Variants in TREH observed in about 807,000 individuals in gnomAD.
The protein encoded by TREH is trehalase.
TREH carries 69 observed loss-of-function variants against 80.5 expected under a neutral mutation model. The ratio of observed to expected loss-of-function variants is 0.86; its 90% confidence interval spans 0.71 to 1.05. TREH has a LOEUF of 1.05. Among genes scored for constraint, TREH ranks in the 50% least tolerant of loss-of-function variants. TREH has a pLI of 0.00. For missense variants in TREH, 716 were observed against 718.8 expected (o/e 1.00, Z 0.04); for synonymous variants, 309 against 293.5 (o/e 1.05, Z -0.54).
Position 118,661,165 on chromosome 11 carries a change from T to G in TREH, c.852A>C (p.Gly284=). The G allele has an allele frequency of 6.2e-7, 1 of 1,613,494 alleles. No individual in the cohort carries two copies. Among genetic ancestry groups the G allele is most frequent in the Non-Finnish European group, 8.5e-7 (1 of 1,179,808 alleles). Residue 284 remains glycine, a synonymous_variant, in exon 8 of 15, where the codon GGA becomes GGC. Coordinates refer to ENST00000264029, the MANE Select transcript of TREH (RefSeq NM_007180.3). This position sits in a 1 kb window ranked among gnomAD's most constrained non-coding sequence, Gnocchi z 4.2. ...LLNRYYVPYG[G]PRPESYSKDV... is the part of the protein sequence containing the mutation. Reference sequence around the variant, plus strand: ...TGGGCTGCCCAGTTCCTCACCTGGGTCCCCCATAAGGGACATAATAGCGAT... The same window carrying G: ...TGGGCTGCCCAGTTCCTCACCTGGGGCCCCCATAAGGGACATAATAGCGAT...
rs1406873032 is a variant in TREH, at chr11:118,661,877, C to T, written c.524+13G>A. ...CCTGCAGGCCCCTTGGTCTCTTGGG[C>T]CTGGGCGCTCACCAGTAGTAGAACT... On this transcript the variant is annotated intron_variant, in intron 5 of 14. Coordinates refer to ENST00000264029, the MANE Select transcript of TREH (RefSeq NM_007180.3). This position sits in a 1 kb window ranked among gnomAD's most constrained non-coding sequence, Gnocchi z 4.2. 4 of 1,560,824 alleles carry T rather than the reference C, an allele frequency of 2.6e-6. No individual in the cohort carries two copies. Among genetic ancestry groups the T allele is most frequent in the Non-Finnish European group, 3.5e-6 (4 of 1,152,470 alleles).
chr11:118,663,757 A>G (rs968178999), intron 1 of TREH, among the ~76,000 whole-genome samples: 13 of 152,194 alleles, frequency 8.5e-5, no homozygotes, highest in Non-Finnish European at 1.3e-4. Flanking sequence ...GGTGTGGCCA[A>G]TTCTCTGTAC....
At position 118,663,043 on chromosome 11, in the gene TREH, G is replaced by T; in HGVS notation, c.335+9C>A. 1 of 1,613,058 alleles carries T rather than the reference G, an allele frequency of 6.2e-7. No homozygotes were observed. Among genetic ancestry groups the T allele is most frequent in the South Asian group, 1.1e-5 (1 of 90,994 alleles). On this transcript the variant is annotated intron_variant, in intron 3 of 14. Coordinates refer to ENST00000264029, the MANE Select transcript of TREH (RefSeq NM_007180.3). ...GGAACCCTCTCTTGTTCCCCTTCCA[G>T]AGTCATACCTGTCTTTCCAGTCTGC...
In TREH at chr11:118,661,590, C is replaced by T; in HGVS notation, c.617+47G>A. 6.2e-7 allele frequency: 1 copy of T among 1,613,536 alleles called. No homozygotes were observed. Among genetic ancestry groups the T allele is most frequent in the Non-Finnish European group, 8.5e-7 (1 of 1,179,614 alleles). On this transcript the variant is annotated intron_variant, in intron 6 of 14. Coordinates refer to ENST00000264029, the MANE Select transcript of TREH (RefSeq NM_007180.3). The surrounding 1 kb of genome is among the most constrained non-coding windows in gnomAD (Gnocchi z 4.2). ...AATCCAGCTGCATGCCCGTGGCACA[C>T]CTGCCTCTCCTCCCCACCTAGGCTG...
At chr11:118,660,460 G>T in intron 10 of TREH, 79 bp downstream of exon 10, 1 of 1,425,582 alleles carries the variant, frequency 7.0e-7, no homozygotes, top group Non-Finnish European at 9.5e-7. Context: ...GTCACACAAG[G>T]GTCCTACTTC....
At chr11:118,670,370 C>G (rs976021307) in intron 1 of TREH, among the ~76,000 whole-genome samples, 1 of 152,198 alleles carries the variant, frequency 6.6e-6, no homozygotes, top group Non-Finnish European at 1.5e-5. Flanking sequence ...TACAACAGTC[C>G]AGTCCCTAGC....
intron 1 of TREH, among the ~76,000 whole-genome samples, chr11:118,675,365 G>T (rs1555146711): frequency 6.6e-6 from 1 of 152,202 alleles, no homozygotes; most frequent in African/African-American, 2.4e-5. Flanking sequence ...GGTCCTGAGT[G>T]AGACGGCCTC....
In TREH at chr11:118,661,924, C is replaced by A; in HGVS notation, c.490G>T (p.Val164Leu). 1 of 1,555,876 alleles carries A rather than the reference C, an allele frequency of 6.4e-7. No individual in the cohort carries two copies. Among genetic ancestry groups the A allele is most frequent in the Non-Finnish European group, 8.7e-7 (1 of 1,149,496 alleles). ...AACTCAACAAAGCGACCGCCAGGCA[C>A]AATGAAGGGATGTTCTGAGTAGATG... ...SLIYSEHPFI[V>L]PGGRFVEFYY... Residue 164 changes from valine to leucine, a missense_variant, in exon 5 of 15, where the codon GTG becomes TTG. Transcript: ENST00000264029. This position sits in a 1 kb window ranked among gnomAD's most constrained non-coding sequence, Gnocchi z 4.2.
intron 10 of TREH, 50 bp downstream of exon 10, chr11:118,660,489 T>C: frequency 6.6e-7 from 1 of 1,517,868 alleles, no homozygotes; most frequent in Non-Finnish European, 8.9e-7. Flanking sequence ...TTGCCAAGCC[T>C]GAGCAGGAAA....
At chr11:118,664,294 T>A (rs1949356655) in intron 1 of TREH, among the ~76,000 whole-genome samples, 1 of 152,204 alleles carries the variant, frequency 6.6e-6, no homozygotes, top group African/African-American at 2.4e-5. Context: ...TGGAAAATCT[T>A]TGAAGAAGGT....
chr11:118,658,241 G>T lies in TREH; in HGVS notation c.*48C>A. On this transcript the variant is annotated 3_prime_UTR_variant, in exon 15 of 15. Transcript: ENST00000264029. The stretch of plus-strand genomic sequence containing the variant: ...GCAGGGGAAGGCAGGAACTGGTGCA[G>T]AGGTTTAATGGGGCAGGAGCTGGGG... The T allele has an allele frequency of 6.5e-7, 1 of 1,550,048 alleles. No individual in the cohort carries two copies. The highest frequency in any genetic ancestry group is 2.4e-5 in the East Asian group (1 of 41,860).
rs1338168609 is a variant in TREH, at chr11:118,660,524, T to A, written c.1102+15A>T. On this transcript the variant is annotated intron_variant, in intron 10 of 14. Transcript: ENST00000264029. ...ACCAAGCTCCCTGCTTTCCCTTCCCTACTGGGGTGCTCACCCAGCCTGGAA... is the reference window on the plus strand; with the variant it reads ...ACCAAGCTCCCTGCTTTCCCTTCCCAACTGGGGTGCTCACCCAGCCTGGAA... 1.0e-5 allele frequency: 16 copies of A among 1,585,176 alleles called. No homozygotes were observed. Among genetic ancestry groups the A allele is most frequent in the Non-Finnish European group, 1.4e-5 (16 of 1,162,284 alleles).
chr11:118,667,478 G>T (rs607527), intron 1 of TREH, among the ~76,000 whole-genome samples: 53,086 of 152,142 alleles, frequency 0.35, 9,575 homozygotes, highest in Admixed American at 0.48. Context: ...TGAGATTACT[G>T]TGATGTGGGC....
chr11:118,659,460 G>A lies in TREH; in HGVS notation c.1342C>T (p.Gln448Ter). ...TGGAGAGAGGTCGGGATCCCATACT[G>A]GTAAGTCAGGATCCGGTTGTCCTAG... is the stretch of plus-strand genomic sequence containing the variant. ...YLEDNRILTY[Q>*]YGIPTSLQKT... The change falls in exon 12 of 15, where the codon CAG becomes TAG. Residue 448 changes from glutamine to a stop codon, truncating the protein, a stop_gained. Coordinates refer to ENST00000264029, the MANE Select transcript of TREH (RefSeq NM_007180.3). LOFTEE classifies it high-confidence loss of function. 2 of 1,603,030 alleles carry A rather than the reference G, an allele frequency of 1.2e-6. No individual in the cohort carries two copies. The highest frequency in any genetic ancestry group is 8.5e-7 in the Non-Finnish European group (1 of 1,174,326).
intron 10 of TREH, among the ~76,000 whole-genome samples, chr11:118,660,176 CCCAGGGTCT>C (rs1294239191): frequency 2.0e-5 from 3 of 152,184 alleles, no homozygotes; most frequent in Non-Finnish European, 4.4e-5. Flanking sequence ...CTGATCTGTC[CCCAGGGTCT>C]CCAGGGTCTA....
In TREH at chr11:118,659,629, C is replaced by T; in HGVS notation, c.1320+118G>A. On this transcript the variant is annotated intron_variant, in intron 11 of 14. Coordinates refer to ENST00000264029, the MANE Select transcript of TREH (RefSeq NM_007180.3). ...TGCCCCCCGGTGGCTCTGGTGGGAC[C>T]CGCAGGCTGGGACAAGGGGCATAGC... is the stretch of plus-strand genomic sequence containing the variant. 3 of 1,397,564 alleles carry T rather than the reference C, an allele frequency of 2.1e-6. 1 individual carries two copies. Among genetic ancestry groups the T allele is most frequent in the Non-Finnish European group, 2.9e-6 (3 of 1,031,374 alleles). The allele number at this position is 1,397,564 out of a possible 1,614,324, so 86.6% of individuals were successfully genotyped here.
At position 118,662,916 on chromosome 11, in the gene TREH, G is replaced by T. The variant is rs561710627; in HGVS notation, c.388C>A (p.Gln130Lys). The T allele has an allele frequency of 1.1e-5, 18 of 1,606,248 alleles. No individual in the cohort carries two copies. In the African/African-American group the frequency reaches 1.9e-4, roughly 17 times the overall value. The change falls in exon 4 of 15, where the codon CAG becomes AAG. Residue 130 changes from glutamine to lysine, a missense_variant. Gln to Lys is a moderately conservative substitution (Grantham distance 53, BLOSUM62 1). Transcript: ENST00000264029. ...SDAKLRAWAG[Q>K]LHQLWKKLGK... is the part of the protein sequence containing the mutation. Reference sequence around the variant, plus strand: ...AGCTTCTTCCAGAGCTGATGCAGCTGCCCTGCCCAGGCACGCAGTTTGGCA... The same window carrying T: ...AGCTTCTTCCAGAGCTGATGCAGCTTCCCTGCCCAGGCACGCAGTTTGGCA...
chr11:118,673,095 A>T (rs1949445437), intron 1 of TREH, among the ~76,000 whole-genome samples: 1 of 152,178 alleles, frequency 6.6e-6, no homozygotes, highest in Admixed American at 6.5e-5. Context: ...CCAGCCTTTC[A>T]TACCTTCATA....
At position 118,658,384 on chromosome 11, in the gene TREH, G is replaced by A. The variant is rs536831295; in HGVS notation, c.1657C>T (p.Arg553Trp). The change falls in exon 15 of 15, where the codon CGG (arginine) becomes TGG (tryptophan). Residue 553 changes from arginine (R) to tryptophan (W), a missense_variant. By Grantham distance (101) the Arg-to-Trp change is moderately radical. Coordinates refer to ENST00000264029, the MANE Select transcript of TREH (RefSeq NM_007180.3). The stretch of plus-strand genomic sequence containing the variant: ...GCCAGCTTGGCCCCTGAGGTCAGCC[G>A]GTCACCATAGCGGTCCAGCAGCATC... ...VLMLLDRYGD[R>W]LTSGAKLAFL... 347 of 1,609,634 alleles carry A rather than the reference G, an allele frequency of 2.2e-4. 7 individuals are homozygous for A. In the South Asian group the frequency reaches 3.2e-3, roughly 15 times the overall value.
Sources: gnomAD v4.1 joint callset for allele counts (sites outside exome capture counted in the v4.1 genomes callset) on GRCh38, gnomAD v4.1.1 for gene constraint, Gnocchi (gnomAD v3.1) non-coding constraint, MANE v1.5 for transcripts, NCBI Gene and HGNC (gene_info 2026-07-23, HGNC 2026-07-21) for gene names.